Variants in TSPAN18 observed in about 807,000 individuals in gnomAD.
The protein encoded by TSPAN18 is tetraspanin-18.
Under a neutral mutation model 27.3 loss-of-function variants are expected in TSPAN18, and 14 were observed. The observed-to-expected ratio is 0.51, with a 90% CI of 0.34 to 0.80. TSPAN18 has a LOEUF of 0.80. Among genes scored for constraint, TSPAN18 ranks in the 30% least tolerant of loss-of-function variants. The pLI is 0.01. For synonymous variants in TSPAN18, 143 were observed against 136.5 expected (o/e 1.05, Z -0.33); for missense variants, 268 against 323.9 (o/e 0.83, Z 1.32).
At chr11:44,892,269 G>A (rs34376507) in intron 3 of TSPAN18, among the ~76,000 whole-genome samples, 67,105 of 152,062 alleles carry the variant, frequency 0.44, 16,480 homozygotes, top group Non-Finnish European at 0.56. Flanking sequence ...GGCTCTGCTG[G>A]GCTCACATGA....
At chr11:44,837,034 C>T (rs1011849161) in intron 2 of TSPAN18, among the ~76,000 whole-genome samples, 9 of 152,182 alleles carry the variant, frequency 5.9e-5, no homozygotes, top group African/African-American at 2.2e-4. Context: ...TTCTGCAGCC[C>T]ATGGATCAAG....
intron 2 of TSPAN18, among the ~76,000 whole-genome samples, chr11:44,785,600 G>A (rs1047545550): frequency 2.0e-5 from 3 of 150,852 alleles, no homozygotes; most frequent in South Asian, 4.2e-4. Context: ...AGCCCCCTGT[G>A]AGTTTTTTCC....
intron 3 of TSPAN18, among the ~76,000 whole-genome samples, chr11:44,875,833 C>G: frequency 6.6e-6 from 1 of 152,180 alleles, no homozygotes. Context: ...TCATCCGTGC[C>G]CTGGTGCCAT....
rs1447698288 is a variant in TSPAN18, at chr11:44,909,467, C to T, written c.64-238C>T. On this transcript the variant is annotated intron_variant, in intron 4 of 9. Coordinates refer to ENST00000520358, the MANE Select transcript of TSPAN18 (RefSeq NM_130783.5). The stretch of plus-strand genomic sequence containing the variant: ...ATACAGCCCGAGGTGGGGCTTGGGT[C>T]GGAAATTGGATTTAGAGGATGCGTG... 2.0e-5 allele frequency: 10 copies of T among 510,564 alleles called. No homozygotes were observed. The East Asian group carries it at 2.2e-4, about 11-fold the overall frequency. 31.6% of individuals were successfully genotyped at this position (510,564 alleles called of 1,614,324 possible).
At chr11:44,743,801 C>T (rs527618877) in intron 1 of TSPAN18, among the ~76,000 whole-genome samples, 15 of 152,234 alleles carry the variant, frequency 9.9e-5, no homozygotes, top group Admixed American at 7.2e-4. Context: ...CCCAGAGCTC[C>T]ATAGAAGGAA....
At chr11:44,919,137 G>A (rs1860027828) in intron 6 of TSPAN18, 77 bp from the exon 7 acceptor site, 3 of 1,190,578 alleles carry the variant, frequency 2.5e-6, no homozygotes, top group East Asian at 4.7e-5. Flanking sequence ...TCCCAAGCAG[G>A]TGGATGGAGA....
rs1049364092 is a variant in TSPAN18 at position 44,929,270 on chromosome 11, C to G, written c.*92C>G. On this transcript the variant is annotated 3_prime_UTR_variant, in exon 10 of 10. Transcript: ENST00000520358. ...GCCCCTCCCCGCTGTCCTCTTGGCC[C>G]CAGGGGAGAAGATGAGGCCATCAGA... is the stretch of plus-strand genomic sequence containing the variant. The G allele has an allele frequency of 6.5e-7, 1 of 1,527,058 alleles. No individual in the cohort carries two copies. Among genetic ancestry groups the G allele is most frequent in the Admixed American group, 1.7e-5 (1 of 58,648 alleles). The allele number at this position is 1,527,058 out of a possible 1,614,324, so 94.6% of individuals were successfully genotyped here.
intron 1 of TSPAN18, among the ~76,000 whole-genome samples, chr11:44,747,388 C>T (rs1290301341): frequency 6.6e-6 from 1 of 152,208 alleles, no homozygotes; most frequent in African/African-American, 2.4e-5. Flanking sequence ...AGGGACTTCC[C>T]TCCTCTAAGA....
chr11:44,746,443 A>G (rs1855079260), intron 1 of TSPAN18, among the ~76,000 whole-genome samples: 2 of 152,198 alleles, frequency 1.3e-5, no homozygotes, highest in Admixed American at 6.5e-5. Context: ...TAAAGCAAGG[A>G]GTGTAGTACC....
chr11:44,929,151 C>T lies in TSPAN18; in HGVS notation c.720C>T (p.Ala240=). The T allele has an allele frequency of 6.2e-7, 1 of 1,613,608 alleles. No homozygotes were observed. The highest frequency in any genetic ancestry group is 8.5e-7 in the Non-Finnish European group (1 of 1,180,028). ...LAIELFAMIF[A]MCLFRGIQ ...TGCAGCTTTTCGCCATGATCTTTGC[C>T]ATGTGCCTCTTCCGGGGCATCCAGT... The change falls in exon 10 of 10, where the codon GCC becomes GCT. Residue 240 remains alanine (A), a synonymous_variant. Transcript: ENST00000520358.
At chr11:44,817,084 G>A (rs562462210) in intron 2 of TSPAN18, among the ~76,000 whole-genome samples, 4 of 152,192 alleles carry the variant, frequency 2.6e-5, no homozygotes, top group Admixed American at 2.6e-4. Flanking sequence ...CGAGGAGCAG[G>A]GTTGGGGGCC....
intron 8 of TSPAN18, among the ~76,000 whole-genome samples, chr11:44,923,843 G>T (rs1429021348): frequency 1.3e-5 from 2 of 152,154 alleles, no homozygotes; most frequent in Admixed American, 1.3e-4. Flanking sequence ...CTCCCCAGGG[G>T]TGTCTCTGTT....
intron 3 of TSPAN18, among the ~76,000 whole-genome samples, chr11:44,871,928 T>C (rs567777968): frequency 1.3e-5 from 2 of 152,036 alleles, no homozygotes; most frequent in East Asian, 3.9e-4. Flanking sequence ...TAGTTTCTCT[T>C]CCTCTTTTTT....
chr11:44,742,800 C>G (rs368104452), intron 1 of TSPAN18, among the ~76,000 whole-genome samples: 1 of 152,188 alleles, frequency 6.6e-6, no homozygotes, highest in South Asian at 2.1e-4. Context: ...CTCCAGCACC[C>G]GACTCCTCAT....
chr11:44,880,651 C>T (rs1416208162), intron 3 of TSPAN18, among the ~76,000 whole-genome samples: 1 of 152,198 alleles, frequency 6.6e-6, no homozygotes, highest in Non-Finnish European at 1.5e-5. Context: ...TGTAATATTG[C>T]CAAAGACCTT....
intron 1 of TSPAN18, among the ~76,000 whole-genome samples, chr11:44,744,071 CA>C (rs1048502263): frequency 6.6e-5 from 10 of 152,214 alleles, no homozygotes; most frequent in Admixed American, 6.5e-4. Context: ...TCATTTGCAG[CA>C]AAATGCACTG....
chr11:44,770,254 A>G (rs190279887), intron 2 of TSPAN18, among the ~76,000 whole-genome samples: 17 of 152,328 alleles, frequency 1.1e-4, no homozygotes, highest in Admixed American at 1.1e-3. Context: ...TTCAATAATG[A>G]CAGGAAGGGG....
chr11:44,736,571 T>G (rs992756819), intron 1 of TSPAN18: 8 of 152,176 alleles, frequency 5.3e-5, no homozygotes, highest in African/African-American at 1.9e-4. Context: ...GGCATCTGAA[T>G]AGGGGGGGTC....
At chr11:44,882,589 C>G (rs369031182) in intron 3 of TSPAN18, among the ~76,000 whole-genome samples, 1,526 of 59,742 alleles carry the variant, frequency 0.026, 15 homozygotes, top group African/African-American at 0.058. Context: ...GAGAGAGAGA[C>G]ACACACACAC....
Sources: allele counts gnomAD v4.1 joint callset (sites outside exome capture counted in the v4.1 genomes callset), GRCh38; gene constraint gnomAD v4.1.1; transcripts MANE v1.5; gene names NCBI Gene and HGNC (gene_info 2026-07-23, HGNC 2026-07-21).